Variants in LSAMP observed in about 807,000 individuals in gnomAD.
LSAMP encodes the protein limbic system associated membrane protein.
In LSAMP, 7 loss-of-function variants were observed where a neutral mutation model predicts 38.6. The ratio of observed to expected loss-of-function variants is 0.18; its 90% confidence interval spans 0.10 to 0.34. LSAMP has a LOEUF of 0.34. LSAMP is among the 10% of genes least tolerant of loss of function. LSAMP has a pLI of 1.00. For synonymous variants in LSAMP, 154 were observed against 166.8 expected (o/e 0.92, Z 0.59); for missense variants, 313 against 420.0 (o/e 0.75, Z 2.23).
intron 1 of LSAMP, among the ~76,000 whole-genome samples, chr3:116,287,788 T>C (rs1030266209): frequency 4.6e-5 from 7 of 152,208 alleles, no homozygotes; most frequent in African/African-American, 1.4e-4. Context: ...GCTCCAATCA[T>C]TAACCTCACA....
chr3:116,385,269 A>C (rs1180873461), intron 1 of LSAMP, among the ~76,000 whole-genome samples: 1 of 152,106 alleles, frequency 6.6e-6, no homozygotes, highest in Non-Finnish European at 1.5e-5. Context: ...GTTTCTATAT[A>C]CATCACTCGA....
chr3:115,863,090 G>C (rs370533238), intron 3 of LSAMP, among the ~76,000 whole-genome samples: 3 of 152,210 alleles, frequency 2.0e-5, no homozygotes, highest in Admixed American at 2.0e-4. Context: ...GTCAGTGCAA[G>C]TGAGGGTCAC....
intron 2 of LSAMP, among the ~76,000 whole-genome samples, chr3:116,055,423 G>C (rs1005355400): frequency 2.6e-5 from 4 of 152,154 alleles, no homozygotes; most frequent in Non-Finnish European, 5.9e-5. Context: ...TTATTTGGTA[G>C]TTTAATAATT....
chr3:116,001,683 C>T (rs551947684), intron 3 of LSAMP, among the ~76,000 whole-genome samples: 1 of 152,260 alleles, frequency 6.6e-6, no homozygotes, highest in East Asian at 1.9e-4. Context: ...GCTGTGGCCG[C>T]CTTCTCCATC....
At chr3:116,329,453 G>A (rs183992689) in intron 1 of LSAMP, among the ~76,000 whole-genome samples, 8 of 152,244 alleles carry the variant, frequency 5.3e-5, no homozygotes, top group Admixed American at 2.6e-4. Flanking sequence ...GAGTATGACT[G>A]AAAATTGTTG....
chr3:116,292,062 A>AT (rs1396828403), intron 1 of LSAMP, among the ~76,000 whole-genome samples: 3 of 152,240 alleles, frequency 2.0e-5, no homozygotes, highest in Admixed American at 1.3e-4. Flanking sequence ...AAGAAACAGT[A>AT]TTTTTTCACC....
chr3:116,195,002 G>GT (rs1333961000), intron 1 of LSAMP, among the ~76,000 whole-genome samples: 3 of 152,194 alleles, frequency 2.0e-5, no homozygotes, highest in African/African-American at 7.2e-5. Flanking sequence ...GGTACAGGCT[G>GT]TATTTCCCAG....
intron 1 of LSAMP, among the ~76,000 whole-genome samples, chr3:116,176,469 G>C (rs1710341954): frequency 6.6e-6 from 1 of 152,104 alleles, no homozygotes; most frequent in South Asian, 2.1e-4. Flanking sequence ...CCGCTGCCAT[G>C]ATCTTACTTG....
intron 1 of LSAMP, among the ~76,000 whole-genome samples, chr3:116,189,098 A>C (rs1295137033): frequency 6.6e-6 from 1 of 152,218 alleles, no homozygotes; most frequent in African/African-American, 2.4e-5. Flanking sequence ...ATAATAAACA[A>C]GTAAACATAT....
chr3:116,010,881 G>A (rs975803807), intron 3 of LSAMP, among the ~76,000 whole-genome samples: 1 of 152,092 alleles, frequency 6.6e-6, no homozygotes, highest in Admixed American at 6.5e-5. Context: ...TATAAGTTAG[G>A]TTACTTCCCA....
At chr3:115,861,705 T>C (rs904886840) in intron 3 of LSAMP, among the ~76,000 whole-genome samples, 1 of 152,192 alleles carries the variant, frequency 6.6e-6, no homozygotes, top group African/African-American at 2.4e-5. Flanking sequence ...GGGGTACTTA[T>C]TTTGGAGTGA....
At chr3:116,434,669 C>T (rs559452802) in intron 1 of LSAMP, among the ~76,000 whole-genome samples, 5 of 152,234 alleles carry the variant, frequency 3.3e-5, no homozygotes, top group African/African-American at 4.8e-5. Context: ...TCTCCTGCCT[C>T]GGCCTCTGAG....
At chr3:116,418,676 T>C (rs1406361101) in intron 1 of LSAMP, among the ~76,000 whole-genome samples, 1 of 152,156 alleles carries the variant, frequency 6.6e-6, no homozygotes, top group Non-Finnish European at 1.5e-5. Context: ...CTTTGCCCAG[T>C]AAAATTAAAA....
At chr3:116,350,280 C>T (rs1304731228) in intron 1 of LSAMP, among the ~76,000 whole-genome samples, 2 of 152,056 alleles carry the variant, frequency 1.3e-5, no homozygotes, top group Non-Finnish European at 2.9e-5. Flanking sequence ...CATCTGAGCC[C>T]TGCAGAGGTA....
rs143050946 is a variant in LSAMP at position 116,444,348 on chromosome 3, A to ATGTG, written c.155+525_155+528dup. Among the ~76,000 whole-genome samples the ATGTG allele has an allele frequency of 9.2e-3, 1,327 of 144,602 alleles. 21 individuals carry two copies. Among genetic ancestry groups the ATGTG allele is most frequent in the African/African-American group, 0.031 (1,202 of 38,812 alleles). The allele number at this position is 144,602 out of a possible 152,430, so 94.9% of individuals were successfully genotyped here. A position where few individuals can be genotyped will look rare whatever the true frequency, so the allele number is the denominator to read the frequency against. On this transcript the variant is annotated intron_variant, in intron 1 of 6. Transcript: ENST00000490035. ...AGAAACCCTCACACACAACCTTGAT[A>ATGTG]TGTGTGTGTGTGTGTGTATGTGTGT...
chr3:116,381,409 T>G lies in LSAMP; in HGVS notation c.155+63468A>C, dbSNP rs534010595. Among the ~76,000 whole-genome samples, 12 of 152,236 alleles carry G rather than the reference T, an allele frequency of 7.9e-5. 1 individual carries two copies. Among genetic ancestry groups the G allele is most frequent in the African/African-American group, 2.9e-4 (12 of 41,530 alleles). On this transcript the variant is annotated intron_variant, in intron 1 of 6. Coordinates refer to ENST00000490035, the MANE Select transcript of LSAMP (RefSeq NM_002338.5). ...TCCTCATTGAGGGTTGTATATGGAA[T>G]GATGGGAATACAAATTATTTGCCAA...
intron 3 of LSAMP, among the ~76,000 whole-genome samples, chr3:115,863,184 C>T (rs1161072378): frequency 6.6e-6 from 1 of 152,168 alleles, no homozygotes; most frequent in African/African-American, 2.4e-5. Flanking sequence ...GAGGATGTTT[C>T]CTGCACTCCT....
intron 1 of LSAMP, among the ~76,000 whole-genome samples, chr3:116,176,663 G>A (rs774973825): frequency 1.3e-5 from 2 of 152,068 alleles, no homozygotes; most frequent in Non-Finnish European, 2.9e-5. Context: ...TAAACTAGTT[G>A]TTATAACTGG....
intron 1 of LSAMP, among the ~76,000 whole-genome samples, chr3:116,206,293 T>G (rs2107599798): frequency 6.7e-6 from 1 of 149,890 alleles, no homozygotes; most frequent in East Asian, 2.0e-4. Flanking sequence ...TTCTTCTCTC[T>G]TTTTTTCTTT....
Sources: allele counts gnomAD v4.1 joint callset (sites outside exome capture counted in the v4.1 genomes callset), GRCh38; gene constraint gnomAD v4.1.1; transcripts MANE v1.5; gene names NCBI Gene and HGNC (gene_info 2026-07-23, HGNC 2026-07-21).